MAPK12: variants seen among roughly 807,000 people sequenced by gnomAD.
MAPK12 encodes the protein MAP kinase 12.
In MAPK12, 49 loss-of-function variants were observed where a neutral mutation model predicts 49.1. The ratio of observed to expected loss-of-function variants is 1.00; its 90% CI spans 0.79 to 1.27. MAPK12 has a LOEUF of 1.27. MAPK12 is among the 50% of genes most tolerant of loss of function. MAPK12 has a pLI of 0.00. For missense variants in MAPK12, 554 were observed against 502.4 expected (o/e 1.10, Z -0.98); for synonymous variants, 251 against 209.7 (o/e 1.20, Z -1.70).
At position 50,258,181 on chromosome 22, in the gene MAPK12, G is replaced by A. The variant is rs567015319; in HGVS notation, c.314+62C>T. Reference sequence around the variant, plus strand: ...CCCCATTGCCAACCTAGAACCTGAAGCCAGTGCCCAGAGCTGCCCAACACC... The same window carrying A: ...CCCCATTGCCAACCTAGAACCTGAAACCAGTGCCCAGAGCTGCCCAACACC... On this transcript the variant is annotated intron_variant, in intron 3 of 11. Transcript: ENST00000215659. The A allele has an allele frequency of 2.3e-5, 35 of 1,516,808 alleles. No homozygotes were observed. The African/African-American group carries it at 3.7e-4, about 16-fold the overall frequency. The allele number at this position is 1,516,808 out of a possible 1,614,324, so 94.0% of individuals were successfully genotyped here.
In MAPK12 at chr22:50,261,593, C is replaced by T. The variant is rs1199098200; in HGVS notation, c.-84G>A. 1.3e-5 allele frequency: 13 copies of T among 1,002,738 alleles called. No homozygotes were observed. The East Asian group carries it at 7.2e-4, about 56-fold the overall frequency. 62.1% of individuals were successfully genotyped at this position (1,002,738 alleles called of 1,614,324 possible). On this transcript the variant is annotated 5_prime_UTR_variant, in exon 1 of 12. Transcript: ENST00000215659. ...GACGGGGCTCCCTCGGCGCGCGCCT[C>T]GGGCCGGCTCCGCGCCGCTCGTCCG...
At chr22:50,257,327 A>G in intron 3 of MAPK12, 134 bp from the exon 4 acceptor site, 1 of 663,258 alleles carries the variant, frequency 1.5e-6, no homozygotes, top group Non-Finnish European at 2.7e-6. Context: ...TGCAGCACAC[A>G]TCCACACTGG....
chr22:50,259,222 G>A (rs929058862), intron 2 of MAPK12, among the ~76,000 whole-genome samples: 1 of 152,234 alleles, frequency 6.6e-6, no homozygotes, highest in Non-Finnish European at 1.5e-5. Flanking sequence ...AGAATGTGGA[G>A]GGAGGAGGAG....
Position 50,257,109 on chromosome 22 carries a change from G to A in MAPK12, c.399C>T (p.Leu133=), listed in dbSNP as rs756286400. Residue 133 remains leucine (L), a synonymous_variant, in exon 4 of 12, where the codon CTC becomes CTT. Transcript: ENST00000215659. ...EKLGEDRIQF[L]VYQMLKGLRY... is the part of the protein sequence containing the mutation. ...TCAGCCCCTTCAGCATCTGGTACAC[G>A]AGGAACTGGATCCGGTCCTCGCCTA... 1.6e-5 allele frequency: 25 copies of A among 1,612,548 alleles called. No individual in the cohort carries two copies. The highest frequency in any genetic ancestry group is 2.2e-5 in the South Asian group (2 of 91,088).
At position 50,261,258 on chromosome 22, in the gene MAPK12, A is replaced by C; in HGVS notation, c.164T>G (p.Ile55Ser). 1 of 1,564,798 alleles carries C rather than the reference A, an allele frequency of 6.4e-7. No individual in the cohort carries two copies. Among genetic ancestry groups the C allele is most frequent in the South Asian group, 1.2e-5 (1 of 84,952 alleles). ...CTGGAAAGGCCGATACAGCTTCTTG[A>C]TGGCCACCTTAGCGCCGGTGCGGCC... is the stretch of plus-strand genomic sequence containing the variant. ...VDGRTGAKVA[I>S]KKLYRPFQSE... The change falls in exon 2 of 12, where the codon ATC becomes AGC. Residue 55 changes from isoleucine (I) to serine (S), a missense_variant. Coordinates refer to ENST00000215659, the MANE Select transcript of MAPK12 (RefSeq NM_002969.6).
intron 3 of MAPK12, chr22:50,257,918 G>C (rs765324228): frequency 1.8e-5 from 14 of 774,348 alleles, no homozygotes; most frequent in Admixed American, 8.6e-5. Flanking sequence ...CACACACTTG[G>C]TGCCAGGGTC....
chr22:50,254,227 G>A (rs1261455262), intron 11 of MAPK12: 1 of 152,758 alleles, frequency 6.5e-6, no homozygotes, highest in Middle Eastern at 3.1e-3. Flanking sequence ...GATAGCCCCT[G>A]GTATAGGGGA....
intron 3 of MAPK12, chr22:50,257,424 C>T: frequency 1.7e-6 from 1 of 578,358 alleles, no homozygotes; most frequent in South Asian, 2.0e-5. Context: ...ACCCCCCTCC[C>T]ACCCTGAGGA....
At position 50,256,250 on chromosome 22, in the gene MAPK12, C is replaced by G. The variant is rs767910313; in HGVS notation, c.505-51G>C. On this transcript the variant is annotated intron_variant, in intron 6 of 11. Coordinates refer to ENST00000215659, the MANE Select transcript of MAPK12 (RefSeq NM_002969.6). ...TTCTAGGGGACTCCCAAGGAGCGGA[C>G]AGGCCACCCACGGTCCAGGAGACCC... is the stretch of plus-strand genomic sequence containing the variant. 4 of 1,419,650 alleles carry G rather than the reference C, an allele frequency of 2.8e-6. No individual in the cohort carries two copies. The African/African-American group carries it at 4.2e-5, about 15-fold the overall frequency. 87.9% of individuals were successfully genotyped at this position (1,419,650 alleles called of 1,614,324 possible).
intron 11 of MAPK12, 162 bp downstream of exon 11, chr22:50,255,035 C>T: frequency 2.0e-6 from 3 of 1,496,576 alleles, no homozygotes; most frequent in Non-Finnish European, 2.7e-6. Flanking sequence ...GCCTGGCCAC[C>T]TGCACAGGGC....
At chr22:50,256,279 G>A in intron 6 of MAPK12, 80 bp from the exon 7 acceptor site, 3 of 1,119,320 alleles carry the variant, frequency 2.7e-6, no homozygotes, top group Non-Finnish European at 3.9e-6. Context: ...GAGACCCCGG[G>A]GGGTTGGACT....
intron 2 of MAPK12, among the ~76,000 whole-genome samples, chr22:50,258,653 C>T (rs2065177750): frequency 6.6e-6 from 1 of 152,272 alleles, no homozygotes; most frequent in Non-Finnish European, 1.5e-5. Flanking sequence ...CCAAACAGAT[C>T]CAGGCCCAGG....
At chr22:50,253,548 G>A (rs912977308) in intron 11 of MAPK12, 68 bp from the exon 12 acceptor site, 12 of 805,206 alleles carry the variant, frequency 1.5e-5, no homozygotes, top group African/African-American at 8.5e-5. Context: ...CCTGGGAGTC[G>A]CTCACAGACA....
intron 3 of MAPK12, 140 bp downstream of exon 3, chr22:50,258,103 T>TA (rs1198806726): frequency 7.6e-6 from 6 of 793,098 alleles, no homozygotes; most frequent in Non-Finnish European, 1.3e-5. Context: ...TGGACAGTGG[T>TA]ATGGGGAGGG....
Position 50,255,696 on chromosome 22 carries a change from T to G in MAPK12, c.692-2A>C. ...TGATCTCCTTCAGCTGGTCCAGGTC[T>G]GCACCGAGGTCAGGAACACAGCTCG... On this transcript the variant is annotated splice_acceptor_variant, in intron 8 of 11. Transcript: ENST00000215659. LOFTEE classifies it high-confidence loss of function. The G allele has an allele frequency of 6.2e-7, 1 of 1,609,476 alleles. No homozygotes were observed. The highest frequency in any genetic ancestry group is 8.5e-7 in the Non-Finnish European group (1 of 1,179,708).
chr22:50,258,386 A>T, intron 2 of MAPK12, 85 bp from the exon 3 acceptor site: 1 of 1,144,058 alleles, frequency 8.7e-7, no homozygotes, highest in Non-Finnish European at 1.3e-6. Flanking sequence ...TCTGGGCAGG[A>T]AACCCCCTCT....
Position 50,261,533 on chromosome 22 carries a change from C to A in MAPK12, c.-24G>T. Reference sequence around the variant, plus strand: ...ATGGCAGGCCCGGGAGCTGCCCACCCCGCAGAGCCTGCGGGCGGTGCCCCC... The same window carrying A: ...ATGGCAGGCCCGGGAGCTGCCCACCACGCAGAGCCTGCGGGCGGTGCCCCC... On this transcript the variant is annotated 5_prime_UTR_variant, in exon 1 of 12. Transcript: ENST00000215659. 1 of 1,108,170 alleles carries A rather than the reference C, an allele frequency of 9.0e-7. No homozygotes were observed. The allele number at this position is 1,108,170 out of a possible 1,614,324, so 68.6% of individuals were successfully genotyped here. A position where few individuals can be genotyped will look rare whatever the true frequency, so the allele number is the denominator to read the frequency against.
At chr22:50,260,491 C>T (rs1201384857) in intron 2 of MAPK12, among the ~76,000 whole-genome samples, 1 of 152,070 alleles carries the variant, frequency 6.6e-6, no homozygotes, top group East Asian at 1.9e-4. Context: ...AGCCAGCCAC[C>T]GCCATGGGAG....
Position 50,253,493 on chromosome 22 carries a change from G to C in MAPK12, c.1025-13C>G. 2.0e-6 allele frequency: 1 copy of C among 490,250 alleles called. No individual in the cohort carries two copies. 30.4% of individuals were successfully genotyped at this position (490,250 alleles called of 1,614,324 possible). ...TTGTAAGTAACACCTGGCGGGGGTGGGGGGGCGGGCACAACAGAGAGGGGG... is the reference window on the plus strand; with the variant it reads ...TTGTAAGTAACACCTGGCGGGGGTGCGGGGGCGGGCACAACAGAGAGGGGG... On this transcript the variant is annotated splice_polypyrimidine_tract_variant and intron_variant, in intron 11 of 11. Coordinates refer to ENST00000215659, the MANE Select transcript of MAPK12 (RefSeq NM_002969.6).
Sources: gnomAD v4.1 joint callset for allele counts (sites outside exome capture counted in the v4.1 genomes callset) on GRCh38, gnomAD v4.1.1 for gene constraint, MANE v1.5 for transcripts, NCBI Gene and HGNC (gene_info 2026-07-23, HGNC 2026-07-21) for gene names.